Variants in RASAL2 observed in about 807,000 individuals in gnomAD.
RASAL2 encodes RAS protein activator like 2.
Under a neutral mutation model 128.9 loss-of-function variants are expected in RASAL2, and 58 were observed. That is an observed-to-expected ratio of 0.45 (90% confidence interval 0.36 to 0.56). The LOEUF is 0.56. RASAL2 is among the 20% of genes least tolerant of loss of function. The pLI is 0.00. For synonymous variants in RASAL2, 561 were observed against 580.8 expected (o/e 0.97, Z 0.49); for missense variants, 1,360 against 1,601.6 (o/e 0.85, Z 2.57).
chr1:178,188,872 T>G (rs1281819534), intron 1 of RASAL2, among the ~76,000 whole-genome samples: 1 of 152,114 alleles, frequency 6.6e-6, no homozygotes, highest in Non-Finnish European at 1.5e-5. Flanking sequence ...ATTTCTAAAT[T>G]TTATACCCTC....
intron 3 of RASAL2, chr1:178,341,595 G>A (rs772610607): frequency 6.8e-6 from 11 of 1,613,830 alleles, no homozygotes; most frequent in African/African-American, 4.0e-5. Context: ...AACTTCACAC[G>A]ATGCAGACCC....
At chr1:178,246,557 A>C (rs1664774224) in intron 1 of RASAL2, among the ~76,000 whole-genome samples, 1 of 151,976 alleles carries the variant, frequency 6.6e-6, no homozygotes, top group East Asian at 1.9e-4. Flanking sequence ...AATACCCTTT[A>C]TTTCTTTCTC....
intron 3 of RASAL2, among the ~76,000 whole-genome samples, chr1:178,308,738 C>T (rs1336238465): frequency 1.3e-5 from 2 of 151,722 alleles, no homozygotes; most frequent in African/African-American, 4.8e-5. Flanking sequence ...ATTCTAGAGA[C>T]AGGGTGTCAC....
At chr1:178,360,378 G>T (rs755114121) in intron 3 of RASAL2, among the ~76,000 whole-genome samples, 1 of 152,190 alleles carries the variant, frequency 6.6e-6, no homozygotes, top group Admixed American at 6.5e-5. Flanking sequence ...AACATTGGCC[G>T]TGAATTTGAA....
chr1:178,224,035 A>G (rs935274025), intron 1 of RASAL2, among the ~76,000 whole-genome samples: 4 of 152,288 alleles, frequency 2.6e-5, no homozygotes, highest in East Asian at 1.9e-4. Context: ...CTCAAAGAAG[A>G]CAAAGTATGA....
chr1:178,184,683 G>A (rs901087410), intron 1 of RASAL2, among the ~76,000 whole-genome samples: 1 of 151,848 alleles, frequency 6.6e-6, no homozygotes, highest in African/African-American at 2.4e-5. Flanking sequence ...TGCTTTTTCT[G>A]TTCTTTGTAG....
chr1:178,300,058 G>A lies in RASAL2; in HGVS notation c.397G>A (p.Val133Ile). The change falls in exon 3 of 18, where the codon GTC (valine) becomes ATC (isoleucine). Residue 133 changes from valine to isoleucine, a missense_variant. Val to Ile is a conservative substitution (Grantham distance 29). Around this residue, in one of 3 missense-constraint regions of RASAL2, gnomAD observed 617 missense variants for 714.2 expected, o/e 0.86. Transcript: ENST00000367649. ...CAAAGGGCGATGCCTGAGGAGAACT[G>A]TCAGTGTCCCTTCCGAGGGTCAGTT... ...STKGRCLRRT[V>I]SVPSEGQFPE... 6.2e-7 allele frequency: 1 copy of A among 1,614,006 alleles called. No homozygotes were observed. The highest frequency in any genetic ancestry group is 8.5e-7 in the Non-Finnish European group (1 of 1,179,912).
At chr1:178,232,600 T>C (rs1664054852) in intron 1 of RASAL2, among the ~76,000 whole-genome samples, 1 of 152,188 alleles carries the variant, frequency 6.6e-6, no homozygotes, top group Admixed American at 6.5e-5. Flanking sequence ...ATATTTACAC[T>C]AAAAATGGTG....
At chr1:178,326,385 A>G (rs1043455161) in intron 3 of RASAL2, among the ~76,000 whole-genome samples, 2 of 152,276 alleles carry the variant, frequency 1.3e-5, no homozygotes, top group African/African-American at 4.8e-5. Flanking sequence ...TTCAAAAGAA[A>G]TGTTTTTAGA....
At chr1:178,368,818 C>G (rs1393779893) in intron 3 of RASAL2, among the ~76,000 whole-genome samples, 1 of 151,696 alleles carries the variant, frequency 6.6e-6, no homozygotes, top group Middle Eastern at 3.2e-3. Flanking sequence ...TTGCATTTTT[C>G]GTAGAAGTGG....
At chr1:178,245,840 C>CT (rs1405496289) in intron 1 of RASAL2, among the ~76,000 whole-genome samples, 3 of 152,056 alleles carry the variant, frequency 2.0e-5, no homozygotes, top group Non-Finnish European at 4.4e-5. Flanking sequence ...TTCCCCATTG[C>CT]TTTTTTTGGT....
intron 1 of RASAL2, among the ~76,000 whole-genome samples, chr1:178,259,458 T>G (rs1039169807): frequency 6.6e-6 from 1 of 152,246 alleles, no homozygotes; most frequent in Non-Finnish European, 1.5e-5. Flanking sequence ...TGCACATATC[T>G]GTGAATAAAG....
intron 3 of RASAL2, among the ~76,000 whole-genome samples, chr1:178,355,603 G>A (rs964062258): frequency 1.3e-5 from 2 of 151,966 alleles, no homozygotes; most frequent in Admixed American, 1.3e-4. Context: ...AATAGAAAAA[G>A]CACCAATTAT....
intron 1 of RASAL2, among the ~76,000 whole-genome samples, chr1:178,269,605 G>C (rs529463618): frequency 3.3e-5 from 5 of 152,136 alleles, no homozygotes; most frequent in Non-Finnish European, 7.4e-5. Flanking sequence ...ATGGTGACGA[G>C]CGTGACCTCT....
At chr1:178,173,063 C>T (rs1311427112) in intron 1 of RASAL2, among the ~76,000 whole-genome samples, 1 of 152,028 alleles carries the variant, frequency 6.6e-6, no homozygotes, top group Non-Finnish European at 1.5e-5. Context: ...GGACGTTTGT[C>T]ACTTTGTGGG....
chr1:178,449,749 G>C (rs1330323297), intron 9 of RASAL2, among the ~76,000 whole-genome samples: 3 of 152,008 alleles, frequency 2.0e-5, no homozygotes, highest in African/African-American at 7.2e-5. Context: ...TTTTAAATAT[G>C]TGATAATCAG....
intron 3 of RASAL2, among the ~76,000 whole-genome samples, chr1:178,329,799 TCA>T (rs1024806096): frequency 2.0e-5 from 3 of 151,794 alleles, no homozygotes; most frequent in African/African-American, 7.3e-5. Flanking sequence ...TGAACTATGA[TCA>T]CACCACTGTG....
intron 13 of RASAL2, 32 bp downstream of exon 13, chr1:178,456,931 G>A (rs768455118): frequency 1.9e-6 from 3 of 1,590,576 alleles, no homozygotes; most frequent in Non-Finnish European, 1.7e-6. Context: ...CACTATCTCG[G>A]AGAAACATAA....
intron 3 of RASAL2, among the ~76,000 whole-genome samples, chr1:178,304,326 C>T (rs903391730): frequency 1.3e-5 from 2 of 151,948 alleles, no homozygotes; most frequent in African/African-American, 2.4e-5. Flanking sequence ...GAGTATGAGA[C>T]CAGCCTAGAC....
Sources: allele counts gnomAD v4.1 joint callset (sites outside exome capture counted in the v4.1 genomes callset), GRCh38; gene constraint gnomAD v4.1.1; regional missense constraint gnomAD v4.1.1; transcripts MANE v1.5; gene names NCBI Gene and HGNC (gene_info 2026-07-23, HGNC 2026-07-21).